Variants in SOX5 observed in about 807,000 individuals in gnomAD.
The protein encoded by SOX5 is transcription factor SOX-5.
SOX5 carries 9 observed loss-of-function variants against 92.0 expected under a neutral mutation model. The ratio of observed to expected loss-of-function variants is 0.10; its 90% confidence interval spans 0.06 to 0.17. SOX5 has a LOEUF of 0.17. Among genes scored for constraint, SOX5 ranks in the 10% least tolerant of loss-of-function variants. The pLI is 1.00. For synonymous variants in SOX5, 344 were observed against 336.3 expected, an observed-to-expected ratio of 1.02 and a Z score of -0.25; for missense variants, 642 against 944.5, an observed-to-expected ratio of 0.68 and a Z score of 4.20.
At chr12:24,447,756 G>A (rs1941700090) in intron 1 of SOX5, among the ~76,000 whole-genome samples, 1 of 152,190 alleles carries the variant, frequency 6.6e-6, no homozygotes. Context: ...GAGAGGTCTT[G>A]TATTGCTTCC....
chr12:24,017,849 C>CCA (rs1378499327), intron 4 of SOX5, among the ~76,000 whole-genome samples: 1 of 152,076 alleles, frequency 6.6e-6, no homozygotes, highest in Non-Finnish European at 1.5e-5. Context: ...CCTGCCTCGT[C>CCA]CACACACACA....
intron 3 of SOX5, among the ~76,000 whole-genome samples, chr12:24,247,250 G>GA (rs56343063): frequency 3.3e-5 from 5 of 151,410 alleles, no homozygotes; most frequent in African/African-American, 1.2e-4. Flanking sequence ...ATCGACCAAT[G>GA]AAAAAAAAAA....
chr12:24,318,724 C>G (rs1304140950), intron 2 of SOX5, among the ~76,000 whole-genome samples: 1 of 152,126 alleles, frequency 6.6e-6, no homozygotes, highest in East Asian at 1.9e-4. Flanking sequence ...TTGATAGTCC[C>G]TAGTACATAA....
chr12:23,858,524 T>C (rs2096720031), intron 2 of SOX5, among the ~76,000 whole-genome samples: 1 of 152,134 alleles, frequency 6.6e-6, no homozygotes, highest in South Asian at 2.1e-4. Flanking sequence ...ATGGCTATTA[T>C]TAAAAAGTCA....
chr12:24,218,896 A>T (rs925775977), intron 3 of SOX5, among the ~76,000 whole-genome samples: 5 of 152,142 alleles, frequency 3.3e-5, no homozygotes, highest in Non-Finnish European at 7.4e-5. Context: ...GTCTTTCAAC[A>T]GTACTCAAGT....
rs1231137989 is a variant in SOX5 at position 24,326,450 on chromosome 12, G to A, written c.-174+42113C>T. 1.7e-4 allele frequency among the ~76,000 whole-genome samples: 6 copies of A among 35,612 alleles called. No individual in the cohort carries two copies. The Admixed American group carries it at 2.3e-3, about 13-fold the overall frequency. The allele number at this position is 35,612 out of a possible 152,430, so 23.4% of individuals were successfully genotyped here. On this transcript the variant is annotated intron_variant, in intron 2 of 4. Transcript: ENST00000446891. ...GACTCTTACATACCTTCATTTGATCGCACTTGTGTATGTTTATCTATCCCT... is the reference window on the plus strand; with the variant it reads ...GACTCTTACATACCTTCATTTGATCACACTTGTGTATGTTTATCTATCCCT...
rs549805704 is a variant in SOX5, at chr12:24,001,972, T to TTAAA, written c.-1-105952_-1-105949dup. On this transcript the variant is annotated intron_variant, in intron 4 of 4. Coordinates refer to the SOX5 transcript ENST00000446891. ...AAGTGAAGCCCTGTCTCTAAATAAG[T>TTAAA]TAAATAAATAAATAAAAAGAAAGAA... Among the ~76,000 whole-genome samples, 455 of 151,998 alleles carry TTAAA rather than the reference T, an allele frequency of 3.0e-3. 15 individuals carry two copies. In the South Asian group the frequency reaches 0.067, roughly 22 times the overall value.
intron 4 of SOX5, among the ~76,000 whole-genome samples, chr12:24,063,558 A>G (rs1453857054): frequency 6.6e-6 from 1 of 152,190 alleles, no homozygotes; most frequent in Non-Finnish European, 1.5e-5. Flanking sequence ...CTATTACAAG[A>G]GATGCTTGCC....
At chr12:24,557,332 A>G (rs1953892680) in intron 1 of SOX5, among the ~76,000 whole-genome samples, 1 of 150,272 alleles carries the variant, frequency 6.7e-6, no homozygotes, top group African/African-American at 2.4e-5. Flanking sequence ...AGGGTTCAAC[A>G]TCCCTCCGCC....
intron 1 of SOX5, among the ~76,000 whole-genome samples, chr12:23,937,131 T>C (rs1447676552): frequency 9.3e-5 from 14 of 151,008 alleles, no homozygotes; most frequent in Admixed American, 7.9e-4. Flanking sequence ...CACATTCTAA[T>C]AGCTTGATTT....
At chr12:24,370,336 G>C (rs1186828680) in intron 1 of SOX5, among the ~76,000 whole-genome samples, 2 of 152,070 alleles carry the variant, frequency 1.3e-5, no homozygotes, top group Non-Finnish European at 2.9e-5. Context: ...ATTTAGCCGG[G>C]CGTGGTGGCA....
intron 1 of SOX5, among the ~76,000 whole-genome samples, chr12:24,372,480 T>A (rs1956840601): frequency 6.6e-6 from 1 of 152,222 alleles, no homozygotes; most frequent in Non-Finnish European, 1.5e-5. Flanking sequence ...TTTTTATGGC[T>A]ACATAGTATT....
chr12:24,518,724 T>C (rs1345596480), intron 1 of SOX5, among the ~76,000 whole-genome samples: 1 of 152,222 alleles, frequency 6.6e-6, no homozygotes, highest in Non-Finnish European at 1.5e-5. Flanking sequence ...TATCATTTTA[T>C]GGAATTTTCC....
chr12:23,534,601 G>T, intron 14 of SOX5, 79 bp from the exon 15 acceptor site: 2 of 1,119,036 alleles, frequency 1.8e-6, no homozygotes, highest in Non-Finnish European at 2.5e-6. Context: ...TAATTAATTT[G>T]CTCAGCAATG....
At chr12:23,799,206 A>C (rs1199814198) in intron 3 of SOX5, among the ~76,000 whole-genome samples, 1 of 152,030 alleles carries the variant, frequency 6.6e-6, no homozygotes, top group Non-Finnish European at 1.5e-5. Flanking sequence ...AAGAATGTAT[A>C]AGCATTCTAA....
At chr12:23,653,025 CAGAT>C (rs767358059) in intron 7 of SOX5, among the ~76,000 whole-genome samples, 3,886 of 91,212 alleles carry the variant, frequency 0.043, 75 homozygotes, top group African/African-American at 0.082. Context: ...GATGAATGTA[CAGAT>C]AGATGGATGG....
chr12:23,965,076 G>A (rs1947389039), intron 4 of SOX5, among the ~76,000 whole-genome samples: 1 of 152,206 alleles, frequency 6.6e-6, no homozygotes, highest in Non-Finnish European at 1.5e-5. Context: ...ACAGCACAAA[G>A]GGAATGTGCT....
At chr12:24,385,316 G>T (rs1377044884) in intron 1 of SOX5, among the ~76,000 whole-genome samples, 1 of 152,148 alleles carries the variant, frequency 6.6e-6, no homozygotes, top group Non-Finnish European at 1.5e-5. Flanking sequence ...TAGGCTTTGT[G>T]TTAGATGGTT....
chr12:23,557,970 C>T lies in SOX5; in HGVS notation c.1488+5288G>A, dbSNP rs568596418. Among the ~76,000 whole-genome samples the T allele has an allele frequency of 2.2e-4, 25 of 112,430 alleles. No homozygotes were observed. In the South Asian group the frequency reaches 5.2e-3, roughly 23 times the overall value. The allele number at this position is 112,430 out of a possible 152,430, so 73.8% of individuals were successfully genotyped here. A position where few individuals can be genotyped will look rare whatever the true frequency, so the allele number is the denominator to read the frequency against. On this transcript the variant is annotated intron_variant, in intron 11 of 14. Transcript: ENST00000451604. ...CAGCCTGGGTGACAGAGCGAGACTC[C>T]GCCTCAAAAAAAAAAAAAAAAGACC...
Sources: gnomAD v4.1 joint callset for allele counts (sites outside exome capture counted in the v4.1 genomes callset) on GRCh38, gnomAD v4.1.1 for gene constraint, MANE v1.5 for transcripts, NCBI Gene and HGNC (gene_info 2026-07-23, HGNC 2026-07-21) for gene names.